Variants in SLC44A1 observed in about 807,000 individuals in gnomAD.
The protein encoded by SLC44A1 is choline transporter-like protein 1.
Under a neutral mutation model 79.3 loss-of-function variants are expected in SLC44A1, and 26 were observed. The observed-to-expected ratio is 0.33, with a 90% CI of 0.24 to 0.46. SLC44A1 has a LOEUF of 0.46. Among genes scored for constraint, SLC44A1 ranks in the 20% least tolerant of loss-of-function variants. The pLI, the probability that SLC44A1 is intolerant of heterozygous loss-of-function variation, is 1.00. For missense variants in SLC44A1, 688 were observed against 798.1 expected, an observed-to-expected ratio of 0.86 and a Z score of 1.66; for synonymous variants, 263 against 286.2, an observed-to-expected ratio of 0.92 and a Z score of 0.82.
intron 2 of SLC44A1, among the ~76,000 whole-genome samples, chr9:105,307,604 A>G (rs976570391): frequency 6.6e-6 from 1 of 151,512 alleles, no homozygotes; most frequent in African/African-American, 2.4e-5. Context: ...AGATCGTGCC[A>G]CTGTGTTCCA....
At chr9:105,322,342 G>A (rs984558559) in intron 3 of SLC44A1, among the ~76,000 whole-genome samples, 2 of 152,162 alleles carry the variant, frequency 1.3e-5, no homozygotes, top group African/African-American at 4.8e-5. Context: ...TTGGCATATG[G>A]GTAGATGGGG....
In SLC44A1 at chr9:105,393,529, T is replaced by G. The variant is rs1828812830; in HGVS notation, c.*4473T>G. The G allele has an allele frequency of 1.1e-6, 1 of 930,732 alleles. No individual in the cohort carries two copies. Among genetic ancestry groups the G allele is most frequent in the South Asian group, 5.0e-5 (1 of 20,198 alleles). The allele number at this position is 930,732 out of a possible 1,614,324, so 57.7% of individuals were successfully genotyped here. ...TTAAAAGGATAATTTTAATCCAAGA[T>G]TTAAATCTTTGAAAATATCTTTCTT... On this transcript the variant is annotated 3_prime_UTR_variant, in exon 16 of 16. Transcript: ENST00000374720.
chr9:105,380,594 TTA>T (rs1012862985), intron 13 of SLC44A1, among the ~76,000 whole-genome samples: 2 of 151,686 alleles, frequency 1.3e-5, no homozygotes, highest in African/African-American at 2.4e-5. Flanking sequence ...ATGTAAATAT[TTA>T]TATATATATA....
At chr9:105,349,835 G>A (rs1827350799) in intron 5 of SLC44A1, among the ~76,000 whole-genome samples, 1 of 152,122 alleles carries the variant, frequency 6.6e-6, no homozygotes, top group African/African-American at 2.4e-5. Context: ...GGAGGTCTCT[G>A]CTCCTGTGTA....
chr9:105,289,243 G>A (rs983242662), intron 1 of SLC44A1, among the ~76,000 whole-genome samples: 26 of 152,182 alleles, frequency 1.7e-4, no homozygotes, highest in African/African-American at 6.3e-4. Context: ...TGGGGACATA[G>A]GAGTTAACAA....
chr9:105,329,718 A>G (rs1372816805), intron 3 of SLC44A1, among the ~76,000 whole-genome samples: 1 of 151,998 alleles, frequency 6.6e-6, no homozygotes, highest in Non-Finnish European at 1.5e-5. Flanking sequence ...ACCCCATCCT[A>G]TAGTCGACTT....
intron 9 of SLC44A1, among the ~76,000 whole-genome samples, chr9:105,364,054 G>A (rs1304171169): frequency 6.6e-6 from 1 of 152,150 alleles, no homozygotes; most frequent in African/African-American, 2.4e-5. Flanking sequence ...TAGACACTCA[G>A]ACTTTCTTAC....
chr9:105,256,817 T>C (rs1208090908), intron 1 of SLC44A1, among the ~76,000 whole-genome samples: 1 of 150,992 alleles, frequency 6.6e-6, no homozygotes, highest in African/African-American at 2.4e-5. Context: ...AGATGGACTC[T>C]TGCTGTGTCA....
At chr9:105,340,127 G>T (rs1827042669) in intron 4 of SLC44A1, among the ~76,000 whole-genome samples, 1 of 152,204 alleles carries the variant, frequency 6.6e-6, no homozygotes, top group South Asian at 2.1e-4. Context: ...ACCACAATAT[G>T]CATATAGTTA....
chr9:105,381,386 C>CA lies in SLC44A1; in HGVS notation c.1633-1724dup, dbSNP rs879908527. Among the ~76,000 whole-genome samples, 897 of 136,732 alleles carry CA rather than the reference C, an allele frequency of 6.6e-3. 8 individuals are homozygous for CA. The highest frequency in any genetic ancestry group is 0.017 in the African/African-American group (630 of 37,336). The allele number at this position is 136,732 out of a possible 152,430, so 89.7% of individuals were successfully genotyped here. On this transcript the variant is annotated intron_variant, in intron 13 of 15. Transcript: ENST00000374720. ...GAAACCCTGTCTCTACTAAAAAATA[C>CA]AAAAAAAAAAAAATTAGCCAGGTGT... is the stretch of plus-strand genomic sequence containing the variant.
chr9:105,306,702 G>A (rs532276719), intron 2 of SLC44A1, among the ~76,000 whole-genome samples: 1 of 151,962 alleles, frequency 6.6e-6, no homozygotes, highest in Admixed American at 6.6e-5. Context: ...ACATCCGAGA[G>A]GGTTGTGAGG....
chr9:105,356,375 T>C lies in SLC44A1; in HGVS notation c.664T>C (p.Ser222Pro). 6.3e-7 allele frequency: 1 copy of C among 1,588,730 alleles called. No individual in the cohort carries two copies. The highest frequency in any genetic ancestry group is 8.6e-7 in the Non-Finnish European group (1 of 1,167,326). ...KEIILGLCLL[S>P]LVLSMILMVI... ...AATTATATTGGGACTTTGCTTGTTA[T>C]CACTAGGTAATTGTTTTTCTCATTA... Residue 222 changes from serine to proline, a missense_variant, in exon 6 of 16, where the codon TCA (serine) becomes CCA (proline). Transcript: ENST00000374720.
chr9:105,282,402 TTGTGAATGTTTGCTGATCA>T (rs1328394522), intron 1 of SLC44A1, among the ~76,000 whole-genome samples: 1 of 152,206 alleles, frequency 6.6e-6, no homozygotes, highest in African/African-American at 2.4e-5. Context: ...ATATGTTTTC[TTGTGAATGTTTGCTGATCA>T]TGGAATCATT....
At chr9:105,414,051 T>G (rs1457787284) in intron 15 of SLC44A1, among the ~76,000 whole-genome samples, 4 of 100,486 alleles carry the variant, frequency 4.0e-5, no homozygotes, top group South Asian at 5.5e-4. Context: ...TAGTGTTTGG[T>G]TTTTTTTTTT....
chr9:105,404,393 A>G (rs1829001386), intron 15 of SLC44A1, among the ~76,000 whole-genome samples: 2 of 152,166 alleles, frequency 1.3e-5, no homozygotes, highest in African/African-American at 4.8e-5. Flanking sequence ...TTTGCATGCA[A>G]TGCTGCATTG....
chr9:105,339,818 C>T (rs1827030982), intron 4 of SLC44A1, among the ~76,000 whole-genome samples: 1 of 151,854 alleles, frequency 6.6e-6, no homozygotes. Context: ...GAGACCCTGT[C>T]TCAAAAAAAC....
At chr9:105,374,439 TA>T (rs1300684117) in intron 12 of SLC44A1, among the ~76,000 whole-genome samples, 158 bp from the exon 13 acceptor site, 2 of 152,232 alleles carry the variant, frequency 1.3e-5, no homozygotes, top group Admixed American at 1.3e-4. Context: ...CTTTAAATCT[TA>T]TATTTTCTTG....
At chr9:105,351,646 GAA>G (rs1337092843) in intron 5 of SLC44A1, among the ~76,000 whole-genome samples, 2 of 147,406 alleles carry the variant, frequency 1.4e-5, no homozygotes, top group African/African-American at 5.1e-5. Flanking sequence ...AAGAAAGAAA[GAA>G]AGAAAGAAAG....
exon 16 of SLC44A1, chr9:105,438,323 C>T: frequency 6.5e-7 from 1 of 1,546,770 alleles, no homozygotes; most frequent in Non-Finnish European, 8.7e-7. Context: ...GAAGAATGAA[C>T]TCAGAGGAGG....
Sources: gnomAD v4.1 joint callset for allele counts (sites outside exome capture counted in the v4.1 genomes callset) on GRCh38, gnomAD v4.1.1 for gene constraint, MANE v1.5 for transcripts, NCBI Gene and HGNC (gene_info 2026-07-23, HGNC 2026-07-21) for gene names.